Variants in ARRDC4 observed in about 807,000 individuals in gnomAD.
ARRDC4 encodes the protein arrestin domain-containing protein 4.
In ARRDC4, 40 loss-of-function variants were observed where a neutral mutation model predicts 44.6. The observed-to-expected ratio is 0.90, with a 90% CI of 0.70 to 1.17. ARRDC4 has a LOEUF of 1.17. Ranked by LOEUF, ARRDC4 falls within the 50% of genes most tolerant of loss-of-function variation. ARRDC4 has a pLI of 0.00. For synonymous variants in ARRDC4, 211 were observed against 221.2 expected (o/e 0.95, Z 0.41); for missense variants, 550 against 559.1 (o/e 0.98, Z 0.16).
intron 1 of ARRDC4, among the ~76,000 whole-genome samples, chr15:97,964,175 C>T (rs1899374237): frequency 6.6e-6 from 1 of 152,130 alleles, no homozygotes; most frequent in African/African-American, 2.4e-5. Context: ...TTCCTATTTT[C>T]TAAAAGTACG....
chr15:97,970,261 A>G lies in ARRDC4; in HGVS notation c.1045+216A>G, dbSNP rs1229547755. The stretch of plus-strand genomic sequence containing the variant: ...AAAGCTGCTGATAGCAGATTCAGGA[A>G]TAAGATGTACATTTCCTAATTCCTA... On this transcript the variant is annotated intron_variant, in intron 6 of 7. Transcript: ENST00000268042. The surrounding 1 kb of genome is among the most constrained non-coding windows in gnomAD (Gnocchi z 4.2). Among the ~76,000 whole-genome samples, 1 of 152,160 alleles carries G rather than the reference A, an allele frequency of 6.6e-6. No homozygotes were observed. The highest frequency in any genetic ancestry group is 1.5e-5 in the Non-Finnish European group (1 of 68,024).
chr15:97,969,759 TG>T, intron 5 of ARRDC4, 123 bp from the exon 6 acceptor site: 2 of 821,542 alleles, frequency 2.4e-6, no homozygotes, highest in Non-Finnish European at 1.8e-6. Context: ...AGAATTGTGA[TG>T]GGGGTGGTGG....
At chr15:97,963,764 C>T (rs1899366432) in intron 1 of ARRDC4, among the ~76,000 whole-genome samples, 1 of 152,228 alleles carries the variant, frequency 6.6e-6, no homozygotes, top group South Asian at 2.1e-4. Context: ...AAGCACTACA[C>T]ATTTTAAACT....
chr15:97,966,143 C>T lies in ARRDC4; in HGVS notation c.522+101C>T. On this transcript the variant is annotated intron_variant, in intron 3 of 7. Coordinates refer to ENST00000268042, the MANE Select transcript of ARRDC4 (RefSeq NM_183376.3). This position sits in a 1 kb window ranked among gnomAD's most constrained non-coding sequence, Gnocchi z 4.7. ...TATATTTAGCCAGTTTACTGGTAGT[C>T]TGTCCTGTCACTTTCTGATGGCTTG... 7.5e-7 allele frequency: 1 copy of T among 1,337,278 alleles called. No individual in the cohort carries two copies. Among genetic ancestry groups the T allele is most frequent in the Non-Finnish European group, 1.0e-6 (1 of 972,234 alleles). 82.8% of individuals were successfully genotyped at this position (1,337,278 alleles called of 1,614,324 possible).
At chr15:97,969,537 AC>A (rs1018477217) in intron 5 of ARRDC4, among the ~76,000 whole-genome samples, 158 bp downstream of exon 5, 4 of 152,182 alleles carry the variant, frequency 2.6e-5, no homozygotes, top group African/African-American at 9.6e-5. Flanking sequence ...TTTTAATAAA[AC>A]CTATTCCCCA....
chr15:97,972,807 T>C lies in ARRDC4; in HGVS notation c.*1620T>C, dbSNP rs2141538792. On this transcript the variant is annotated 3_prime_UTR_variant, in exon 8 of 8. Transcript: ENST00000268042. This position sits in a 1 kb window ranked among gnomAD's most constrained non-coding sequence, Gnocchi z 5.3. Reference sequence around the variant, plus strand: ...GTTAAATTTTGTATTTAAAAGTTAGTTGGCCATTTGATCAGGGAATTTTCT... The same window carrying C: ...GTTAAATTTTGTATTTAAAAGTTAGCTGGCCATTTGATCAGGGAATTTTCT... The C allele has an allele frequency of 6.5e-6, 1 of 152,758 alleles. No homozygotes were observed. Among genetic ancestry groups the C allele is most frequent in the East Asian group, 1.9e-4 (1 of 5,184 alleles). 9.5% of individuals were successfully genotyped at this position (152,758 alleles called of 1,614,324 possible).
At chr15:97,961,923 G>A (rs753673723) in intron 1 of ARRDC4, among the ~76,000 whole-genome samples, 4 of 152,180 alleles carry the variant, frequency 2.6e-5, no homozygotes, top group Non-Finnish European at 5.9e-5. Context: ...CCAGTTCACA[G>A]TGTAGACTTT....
chr15:97,963,714 C>T (rs1427561227), intron 1 of ARRDC4, among the ~76,000 whole-genome samples: 1 of 152,214 alleles, frequency 6.6e-6, no homozygotes, highest in Non-Finnish European at 1.5e-5. Flanking sequence ...TCCTTTCCTC[C>T]CCCGGTCTCT....
chr15:97,970,658 C>T lies in ARRDC4; in HGVS notation c.1115C>T (p.Pro372Leu), dbSNP rs1001558092. Reference protein sequence around the residue: ...FSRHIPPYPQPPNCEGEVCCP... With the variant: ...FSRHIPPYPQLPNCEGEVCCP... The stretch of plus-strand genomic sequence containing the variant: ...AGACACATTCCTCCTTACCCTCAAC[C>T]CCCTAACTGTGAGGGAGAAGTGTGC... Residue 372 changes from proline to leucine, a missense_variant, in exon 7 of 8, where the codon CCC becomes CTC. Pro to Leu is a moderately conservative substitution (Grantham distance 98, BLOSUM62 -3). Transcript: ENST00000268042. This position sits in a 1 kb window ranked among gnomAD's most constrained non-coding sequence, Gnocchi z 4.2. 1.5e-5 allele frequency: 25 copies of T among 1,613,210 alleles called. No individual in the cohort carries two copies. The highest frequency in any genetic ancestry group is 2.0e-5 in the Non-Finnish European group (23 of 1,179,340).
chr15:97,961,026 G>A lies in ARRDC4; in HGVS notation c.165G>A (p.Leu55=). 1 of 1,436,336 alleles carries A rather than the reference G, an allele frequency of 7.0e-7. No individual in the cohort carries two copies. 89.0% of individuals were successfully genotyped at this position (1,436,336 alleles called of 1,614,324 possible). A position where few individuals can be genotyped will look rare whatever the true frequency, so the allele number is the denominator to read the frequency against. The change falls in exon 1 of 8, where the codon CTG becomes CTA. Residue 55 remains leucine, a synonymous_variant. Transcript: ENST00000268042. The stretch of plus-strand genomic sequence containing the variant: ...CCGAGCCGGTGGCCCTGCGCGCGCT[G>A]CGCCTGGAGGCCCAGGGGCGCGCCA... ...EASEPVALRA[L]RLEAQGRATA...
chr15:97,971,287 A>C lies in ARRDC4; in HGVS notation c.*100A>C. On this transcript the variant is annotated 3_prime_UTR_variant, in exon 8 of 8. Coordinates refer to ENST00000268042, the MANE Select transcript of ARRDC4 (RefSeq NM_183376.3). The stretch of plus-strand genomic sequence containing the variant: ...AGACAGGAAAGATTCACTTGAAAAC[A>C]TAAATGAACGTCAAGACTGAAGGCA... 2 of 1,222,220 alleles carry C rather than the reference A, an allele frequency of 1.6e-6. No individual in the cohort carries two copies. Among genetic ancestry groups the C allele is most frequent in the Non-Finnish European group, 2.4e-6 (2 of 838,068 alleles). The allele number at this position is 1,222,220 out of a possible 1,614,324, so 75.7% of individuals were successfully genotyped here.
Position 97,967,792 on chromosome 15 carries a change from T to G in ARRDC4, c.523-222T>G, listed in dbSNP as rs1381894742. On this transcript the variant is annotated intron_variant, in intron 3 of 7. Transcript: ENST00000268042. This position sits in a 1 kb window ranked among gnomAD's most constrained non-coding sequence, Gnocchi z 5.0. ...TAAAATAAGATGGTGTCATGCTAAT[T>G]TTTGAATCTGAAAATTCACTGTAGT... is the stretch of plus-strand genomic sequence containing the variant. Among the ~76,000 whole-genome samples the G allele has an allele frequency of 6.6e-6, 1 of 152,150 alleles. No individual in the cohort carries two copies.
In ARRDC4 at chr15:97,972,742, C is replaced by T. The variant is rs562686761; in HGVS notation, c.*1555C>T. The T allele has an allele frequency of 6.5e-6, 1 of 152,680 alleles. No homozygotes were observed. The highest frequency in any genetic ancestry group is 1.5e-5 in the Non-Finnish European group (1 of 68,014). The allele number at this position is 152,680 out of a possible 1,614,324, so 9.5% of individuals were successfully genotyped here. On this transcript the variant is annotated 3_prime_UTR_variant, in exon 8 of 8. Transcript: ENST00000268042. This position sits in a 1 kb window ranked among gnomAD's most constrained non-coding sequence, Gnocchi z 5.3. ...TTAACAGAATGATTGATTTTTCTTT[C>T]AATCAGCATGTTCACCAAAAATAGA...
chr15:97,967,734 A>G lies in ARRDC4; in HGVS notation c.523-280A>G, dbSNP rs969681318. On this transcript the variant is annotated intron_variant, in intron 3 of 7. Transcript: ENST00000268042. The surrounding 1 kb of genome is among the most constrained non-coding windows in gnomAD (Gnocchi z 5.0). ...TTTGATTTTTTTTTAAAAAAATGGT[A>G]TATTATTTCCTGGAAACATAATGAC... Among the ~76,000 whole-genome samples, 1 of 152,082 alleles carries G rather than the reference A, an allele frequency of 6.6e-6. No homozygotes were observed. Among genetic ancestry groups the G allele is most frequent in the Non-Finnish European group, 1.5e-5 (1 of 68,012 alleles).
In ARRDC4 at chr15:97,968,886, G is replaced by T. The variant is rs559937602; in HGVS notation, c.626-237G>T. On this transcript the variant is annotated intron_variant, in intron 4 of 7. Coordinates refer to ENST00000268042, the MANE Select transcript of ARRDC4 (RefSeq NM_183376.3). The surrounding 1 kb of genome is among the most constrained non-coding windows in gnomAD (Gnocchi z 5.4). ...TGGTCATTTACATATCTTTAGAATT[G>T]CTAATGCAATATTGCTACTTTAGAA... Among the ~76,000 whole-genome samples the T allele has an allele frequency of 6.6e-6, 1 of 152,244 alleles. No homozygotes were observed. The highest frequency in any genetic ancestry group is 2.1e-4 in the South Asian group (1 of 4,822).
Position 97,966,585 on chromosome 15 carries a change from C to A in ARRDC4, c.522+543C>A, listed in dbSNP as rs1191203740. Among the ~76,000 whole-genome samples the A allele has an allele frequency of 1.3e-5, 2 of 152,126 alleles. No homozygotes were observed. Among genetic ancestry groups the A allele is most frequent in the Admixed American group, 1.3e-4 (2 of 15,276 alleles). On this transcript the variant is annotated intron_variant, in intron 3 of 7. Coordinates refer to ENST00000268042, the MANE Select transcript of ARRDC4 (RefSeq NM_183376.3). This position sits in a 1 kb window ranked among gnomAD's most constrained non-coding sequence, Gnocchi z 4.7. ...CCTTTCACTTATCATTTCCTTATGA[C>A]AGATTTGGCCACATTAAAGCATTGA...
At position 97,968,540 on chromosome 15, in the gene ARRDC4, C is replaced by T. The variant is rs114661878; in HGVS notation, c.625+424C>T. ...GTAGTGTATTAACAAACTTAACAATCAGATTGTTACTGGAATTGCCATTAG... is the reference window on the plus strand; with the variant it reads ...GTAGTGTATTAACAAACTTAACAATTAGATTGTTACTGGAATTGCCATTAG... On this transcript the variant is annotated intron_variant, in intron 4 of 7. Coordinates refer to ENST00000268042, the MANE Select transcript of ARRDC4 (RefSeq NM_183376.3). The surrounding 1 kb of genome is among the most constrained non-coding windows in gnomAD (Gnocchi z 5.4). Among the ~76,000 whole-genome samples the T allele has an allele frequency of 2.0e-3, 308 of 152,286 alleles. 2 individuals carry two copies. The highest frequency in any genetic ancestry group is 6.4e-3 in the African/African-American group (264 of 41,570).
At chr15:97,964,956 T>A (rs1488721943) in intron 1 of ARRDC4, among the ~76,000 whole-genome samples, 1 of 152,144 alleles carries the variant, frequency 6.6e-6, no homozygotes, top group Non-Finnish European at 1.5e-5. Flanking sequence ...GTATTTCCCG[T>A]TAGTATAATA....
At chr15:97,962,121 C>G (rs1899334186) in intron 1 of ARRDC4, among the ~76,000 whole-genome samples, 1 of 152,136 alleles carries the variant, frequency 6.6e-6, no homozygotes. Flanking sequence ...ATGGTATGCA[C>G]CTCCTCTCCT....
Sources: allele counts gnomAD v4.1 joint callset (sites outside exome capture counted in the v4.1 genomes callset), GRCh38; gene constraint gnomAD v4.1.1; non-coding constraint Gnocchi (gnomAD v3.1); transcripts MANE v1.5; gene names NCBI Gene and HGNC (gene_info 2026-07-23, HGNC 2026-07-21).